ACCS: variants seen among roughly 807,000 people sequenced by gnomAD.
ACCS encodes the protein 1-aminocyclopropane-1-carboxylate synthase homolog (inactive).
In ACCS, 42 loss-of-function variants were observed where a neutral mutation model predicts 59.8. The observed-to-expected ratio is 0.70, with a 90% CI of 0.55 to 0.91. The LOEUF is 0.91. Among genes scored for constraint, ACCS ranks in the 40% least tolerant of loss-of-function variants. ACCS has a pLI of 0.00. For missense variants in ACCS, 602 were observed against 630.4 expected, an observed-to-expected ratio of 0.95 and a Z score of 0.48; for synonymous variants, 230 against 240.3, an observed-to-expected ratio of 0.96 and a Z score of 0.40.
intron 6 of ACCS, among the ~76,000 whole-genome samples, chr11:44,076,693 G>A (rs1459528965): frequency 2.0e-5 from 3 of 152,236 alleles, no homozygotes; most frequent in Admixed American, 1.3e-4. Flanking sequence ...CCATCACGTC[G>A]TAAATGCTTA....
At position 44,084,035 on chromosome 11, in the gene ACCS, T is replaced by C; in HGVS notation, c.*243T>C. On this transcript the variant is annotated 3_prime_UTR_variant, in exon 15 of 15. Transcript: ENST00000263776. ...TAGGAGAGTCCATATGTCTCCATTGTGAGTTATTTAGAATGGAGGAGTCGT... is the reference window on the plus strand; with the variant it reads ...TAGGAGAGTCCATATGTCTCCATTGCGAGTTATTTAGAATGGAGGAGTCGT... 1 of 729,798 alleles carries C rather than the reference T, an allele frequency of 1.4e-6. No homozygotes were observed. The highest frequency in any genetic ancestry group is 3.4e-5 in the East Asian group (1 of 29,806). The allele number at this position is 729,798 out of a possible 1,614,324, so 45.2% of individuals were successfully genotyped here. A position where few individuals can be genotyped will look rare whatever the true frequency, so the allele number is the denominator to read the frequency against.
At chr11:44,074,244 A>C (rs540410606) in intron 4 of ACCS, among the ~76,000 whole-genome samples, 2 of 152,330 alleles carry the variant, frequency 1.3e-5, no homozygotes, top group East Asian at 3.9e-4. Flanking sequence ...AGAGTAAGTA[A>C]AAATTTTCTA....
At position 44,083,071 on chromosome 11, in the gene ACCS, T is replaced by TG. The variant is rs963878082; in HGVS notation, c.1112-96dup. 2.4e-5 allele frequency: 36 copies of TG among 1,504,768 alleles called. No homozygotes were observed. In the African/African-American group the frequency reaches 4.7e-4, roughly 20 times the overall value. 93.2% of individuals were successfully genotyped at this position (1,504,768 alleles called of 1,614,324 possible). On this transcript the variant is annotated intron_variant, in intron 12 of 14. Coordinates refer to ENST00000263776, the MANE Select transcript of ACCS (RefSeq NM_032592.4). ...CTAGAGGAGGGACTCAACAGCATCC[T>TG]GGCAGCTTGTGGCCTTTTTCTTTAC...
At chr11:44,080,952 T>C in intron 10 of ACCS, 68 bp from the exon 11 acceptor site, 2 of 1,594,588 alleles carry the variant, frequency 1.3e-6, no homozygotes, top group Non-Finnish European at 1.7e-6. Flanking sequence ...TCTTCATTTG[T>C]TCAACCAAAC....
Position 44,077,568 on chromosome 11 carries a change from T to C in ACCS, c.654+192T>C, listed in dbSNP as rs1172068460. Reference sequence around the variant, plus strand: ...CCAAAGTTCCAGTCTCTGAGATCCCTGGGGTTGATGTAGAAGCCAAGAGCC... The same window carrying C: ...CCAAAGTTCCAGTCTCTGAGATCCCCGGGGTTGATGTAGAAGCCAAGAGCC... On this transcript the variant is annotated intron_variant, in intron 7 of 14. Coordinates refer to ENST00000263776, the MANE Select transcript of ACCS (RefSeq NM_032592.4). 3 of 1,440,942 alleles carry C rather than the reference T, an allele frequency of 2.1e-6. No individual in the cohort carries two copies. The East Asian group carries it at 7.5e-5, about 36-fold the overall frequency. The allele number at this position is 1,440,942 out of a possible 1,614,324, so 89.3% of individuals were successfully genotyped here.
chr11:44,078,603 C>G (rs1953487315), intron 8 of ACCS, 81 bp from the exon 9 acceptor site: 1 of 1,252,966 alleles, frequency 8.0e-7, no homozygotes. Context: ...TGGGAGCCTT[C>G]CAGCGATCAG....
In ACCS at chr11:44,084,089, C is replaced by G. The variant is rs996017807; in HGVS notation, c.*297C>G. 5 of 336,240 alleles carry G rather than the reference C, an allele frequency of 1.5e-5. No individual in the cohort carries two copies. Among genetic ancestry groups the G allele is most frequent in the East Asian group, 5.9e-5 (1 of 16,994 alleles). 20.8% of individuals were successfully genotyped at this position (336,240 alleles called of 1,614,324 possible). A position where few individuals can be genotyped will look rare whatever the true frequency, so the allele number is the denominator to read the frequency against. On this transcript the variant is annotated 3_prime_UTR_variant, in exon 15 of 15. Transcript: ENST00000263776. ...TGCTTCTAACCAGAGCCTCAGCCCC[C>G]CTGAGGATGTGAAAAGAAAACAAAC...
chr11:44,075,139 T>G (rs1478193961), intron 5 of ACCS, among the ~76,000 whole-genome samples: 2 of 152,158 alleles, frequency 1.3e-5, no homozygotes, highest in Non-Finnish European at 2.9e-5. Context: ...TCCCCATCTT[T>G]GGGCTGGCCT....
intron 4 of ACCS, among the ~76,000 whole-genome samples, chr11:44,074,110 G>T (rs1161523879): frequency 6.6e-6 from 1 of 152,152 alleles, no homozygotes; most frequent in Non-Finnish European, 1.5e-5. Context: ...GGGCTTGAGT[G>T]TGGACTTTGC....
intron 2 of ACCS, among the ~76,000 whole-genome samples, chr11:44,069,522 A>T (rs1952949152): frequency 6.6e-6 from 1 of 152,152 alleles, no homozygotes; most frequent in African/African-American, 2.4e-5. Context: ...TGGCCAAGCC[A>T]CCGTGCCAGT....
chr11:44,075,625 G>A (rs769339425), intron 6 of ACCS, 33 bp downstream of exon 6: 1 of 1,609,658 alleles, frequency 6.2e-7, no homozygotes, highest in Admixed American at 1.7e-5. Flanking sequence ...CCCGCACTGT[G>A]AGCCTCATTG....
intron 7 of ACCS, 158 bp from the exon 8 acceptor site, chr11:44,077,687 G>T (rs1953438924): frequency 1.4e-6 from 2 of 1,454,030 alleles, no homozygotes; most frequent in South Asian, 2.9e-5. Flanking sequence ...TGGGTTGGGG[G>T]TGGATGGCAG....
Position 44,077,335 on chromosome 11 carries a change from T to C in ACCS, c.613T>C (p.Tyr205His). Reference protein sequence around the residue: ...YGAITQHVCLYGNIRLAYVYL... With the variant: ...YGAITQHVCLHGNIRLAYVYL... Reference sequence around the variant, plus strand: ...CGCTATCACACAGCACGTGTGTCTCTATGGCAACATCCGGCTGGCCTATGT... The same window carrying C: ...CGCTATCACACAGCACGTGTGTCTCCATGGCAACATCCGGCTGGCCTATGT... Residue 205 changes from tyrosine to histidine, a missense_variant, in exon 7 of 15, where the codon TAT (tyrosine) becomes CAT (histidine). By Grantham distance (83) the Tyr-to-His change is moderately conservative. Transcript: ENST00000263776. 1 of 1,614,184 alleles carries C rather than the reference T, an allele frequency of 6.2e-7. No individual in the cohort carries two copies. The highest frequency in any genetic ancestry group is 8.5e-7 in the Non-Finnish European group (1 of 1,180,024).
At position 44,066,343 on chromosome 11, in the gene ACCS, T is replaced by C. The variant is rs763147089; in HGVS notation, c.-359T>C. On this transcript the variant is annotated 5_prime_UTR_variant, in exon 1 of 15. Coordinates refer to ENST00000263776, the MANE Select transcript of ACCS (RefSeq NM_032592.4). ...GCCAAGTAGGTGGGATCCACTACTT[T>C]GCAGAGGAGGAAGCCGTTCAGGCCT... The C allele has an allele frequency of 2.6e-5, 4 of 152,114 alleles. No homozygotes were observed. The highest frequency in any genetic ancestry group is 4.8e-5 in the African/African-American group (2 of 41,406). 9.4% of individuals were successfully genotyped at this position (152,114 alleles called of 1,614,324 possible). A position where few individuals can be genotyped will look rare whatever the true frequency, so the allele number is the denominator to read the frequency against.
chr11:44,081,032 C>G lies in ACCS; in HGVS notation c.936C>G (p.Pro312=), dbSNP rs1953613888. The G allele has an allele frequency of 1.9e-6, 3 of 1,614,222 alleles. No individual in the cohort carries two copies. Among genetic ancestry groups the G allele is most frequent in the Non-Finnish European group, 2.5e-6 (3 of 1,180,044 alleles). Residue 312 remains proline, a synonymous_variant, in exon 11 of 15, where the codon CCC becomes CCG. Coordinates refer to ENST00000263776, the MANE Select transcript of ACCS (RefSeq NM_032592.4). ...GTGCTCTCTGCAGGCTCCCTGACCC[C>G]CAGAGGACCCATGTGATGTGGGCAA... ...SVLSLERLPD[P]QRTHVMWATS...
chr11:44,073,575 G>A (rs1953167336), intron 4 of ACCS, 58 bp downstream of exon 4: 9 of 1,524,256 alleles, frequency 5.9e-6, no homozygotes, highest in Non-Finnish European at 8.0e-6. Context: ...AATGTTGGGA[G>A]ACATTTTTGG....
In ACCS at chr11:44,081,265, C is replaced by T; in HGVS notation, c.1056C>T (p.Tyr352=). ...CTGCCGTGGCTTCCCTCTGCCGCTA[C>T]CACGGCCTCAGTGGCTTGGTCCAGT... ...VATAVASLCR[Y]HGLSGLVQYQ... Residue 352 remains tyrosine, a synonymous_variant, in exon 12 of 15, where the codon TAC becomes TAT. Transcript: ENST00000263776. 5 of 1,614,276 alleles carry T rather than the reference C, an allele frequency of 3.1e-6. No individual in the cohort carries two copies. In the South Asian group the frequency reaches 5.5e-5, roughly 18 times the overall value.
At chr11:44,080,745 A>G in intron 10 of ACCS, 1 of 517,494 alleles carries the variant, frequency 1.9e-6, no homozygotes, top group Non-Finnish European at 3.5e-6. Context: ...CTCTTTGATG[A>G]GTGACATTTG....
At chr11:44,080,205 T>G (rs1470855195) in intron 10 of ACCS, among the ~76,000 whole-genome samples, 1 of 152,162 alleles carries the variant, frequency 6.6e-6, no homozygotes, top group Non-Finnish European at 1.5e-5. Flanking sequence ...GGCAACATAG[T>G]GAGACTCTGT....
Sources: allele counts gnomAD v4.1 joint callset (sites outside exome capture counted in the v4.1 genomes callset), GRCh38; gene constraint gnomAD v4.1.1; transcripts MANE v1.5; gene names NCBI Gene and HGNC (gene_info 2026-07-23, HGNC 2026-07-21).